The following PDE1C variants were observed in gnomAD, a reference collection of about 807,000 sequenced individuals.
PDE1C encodes phosphodiesterase 1C.
In PDE1C, 62 loss-of-function variants were observed where a neutral mutation model predicts 93.1. The observed-to-expected ratio is 0.67, with a 90% CI of 0.54 to 0.82. PDE1C has a LOEUF of 0.82. Among genes scored for constraint, PDE1C ranks in the 40% least tolerant of loss-of-function variants. The pLI, the probability that PDE1C is intolerant of heterozygous loss-of-function variation, is 0.00. For synonymous variants in PDE1C, 325 were observed against 310.1 expected, an observed-to-expected ratio of 1.05 and a Z score of -0.50; for missense variants, 742 against 884.6, an observed-to-expected ratio of 0.84 and a Z score of 2.04.
chr7:32,155,071 A>G (rs1466853695), intron 3 of PDE1C, among the ~76,000 whole-genome samples: 20 of 140,996 alleles, frequency 1.4e-4, no homozygotes, highest in Admixed American at 1.4e-3. Flanking sequence ...GCATTGGATC[A>G]GGGTGCAGAG....
At chr7:32,267,586 ACTCTCTCTCT>A (rs57210713) in intron 1 of PDE1C, among the ~76,000 whole-genome samples, 41,733 of 117,370 alleles carry the variant, frequency 0.36, 6,738 homozygotes, top group East Asian at 0.44. Flanking sequence ...ACACACACAC[ACTCTCTCTCT>A]CTCTCTCTCT....
intron 16 of PDE1C, chr7:31,788,026 T>C (rs1784187569): frequency 6.6e-6 from 1 of 152,242 alleles, no homozygotes; most frequent in Non-Finnish European, 1.5e-5. Flanking sequence ...AAGTTCTTTA[T>C]GGAATGAAAT....
intron 6 of PDE1C, among the ~76,000 whole-genome samples, chr7:31,871,630 G>A (rs1206562172): frequency 6.6e-6 from 1 of 151,206 alleles, no homozygotes; most frequent in Non-Finnish European, 1.5e-5. Context: ...AATCATCAGG[G>A]AAATGAAAAT....
chr7:31,969,477 A>G (rs1231073520), intron 2 of PDE1C, among the ~76,000 whole-genome samples: 1 of 152,176 alleles, frequency 6.6e-6, no homozygotes, highest in South Asian at 2.1e-4. Flanking sequence ...GTGATCATTA[A>G]AAAGTCAGGA....
At position 32,121,305 on chromosome 7, in the gene PDE1C, C is replaced by G. The variant is rs180893157; in HGVS notation, c.308+48480G>C. ...GAATGGAAACAAGTTGGAAAACACA[C>G]TTTAGGATATTATCCAGGAGTACTT... On this transcript the variant is annotated intron_variant, in intron 3 of 18. Coordinates refer to the PDE1C transcript ENST00000396193. Among the ~76,000 whole-genome samples the G allele has an allele frequency of 1.5e-3, 226 of 152,268 alleles. 1 individual carries two copies. Among genetic ancestry groups the G allele is most frequent in the African/African-American group, 4.7e-3 (197 of 41,566 alleles).
the PDE1C span, chr7:31,651,878 A>G: frequency 8.4e-6 from 10 of 1,190,236 alleles, no homozygotes; most frequent in Non-Finnish European, 1.2e-5. Flanking sequence ...TGAGGTGACA[A>G]TGGAAGATTG....
At chr7:32,293,319 A>C (rs1458691126) in intron 1 of PDE1C, among the ~76,000 whole-genome samples, 1 of 152,074 alleles carries the variant, frequency 6.6e-6, no homozygotes, top group Non-Finnish European at 1.5e-5. Flanking sequence ...CAGCAAATAC[A>C]ACCTCTCAGC....
At chr7:31,839,347 CACAT>C (rs777007980) in intron 9 of PDE1C, among the ~76,000 whole-genome samples, 7 of 142,608 alleles carry the variant, frequency 4.9e-5, no homozygotes, top group Non-Finnish European at 1.0e-4. Context: ...ATATTATACA[CACAT>C]ACATACGCAT....
rs1330978494 is a variant in PDE1C, at chr7:32,094,759, T to C, written c.308+75026A>G. Reference sequence around the variant, plus strand: ...GCTTTCAGTGGTTTCCTATTACTCATAGGATGAAGTCCCAGATACATAGCA... The same window carrying C: ...GCTTTCAGTGGTTTCCTATTACTCACAGGATGAAGTCCCAGATACATAGCA... On this transcript the variant is annotated intron_variant, in intron 3 of 18. Coordinates refer to the PDE1C transcript ENST00000396193. Among the ~76,000 whole-genome samples, 3 of 152,204 alleles carry C rather than the reference T, an allele frequency of 2.0e-5. No individual in the cohort carries two copies. The East Asian group carries it at 5.8e-4, about 29-fold the overall frequency.
intron 3 of PDE1C, among the ~76,000 whole-genome samples, chr7:32,165,866 A>G (rs1802219989): frequency 6.6e-6 from 1 of 152,304 alleles, no homozygotes; most frequent in East Asian, 1.9e-4. Flanking sequence ...GACCAGCAGC[A>G]TCAGTATAAC....
intron 11 of PDE1C, among the ~76,000 whole-genome samples, chr7:31,830,864 T>C (rs2128751480): frequency 6.6e-6 from 1 of 152,306 alleles, no homozygotes; most frequent in Admixed American, 6.5e-5. Context: ...AAATCATTGC[T>C]TATCATAGAA....
chr7:32,046,020 T>C (rs2128672613), intron 2 of PDE1C, among the ~76,000 whole-genome samples: 2 of 152,298 alleles, frequency 1.3e-5, no homozygotes, highest in Non-Finnish European at 2.9e-5. Context: ...CTGAGCCACG[T>C]CAAAATCCAA....
At chr7:32,362,420 G>A (rs1219119269) in intron 1 of PDE1C, among the ~76,000 whole-genome samples, 1 of 152,158 alleles carries the variant, frequency 6.6e-6, no homozygotes. Flanking sequence ...GTCTCTCTCA[G>A]TGGCTTTGGT....
At chr7:31,835,438 G>A (rs1790942497) in intron 11 of PDE1C, among the ~76,000 whole-genome samples, 1 of 151,862 alleles carries the variant, frequency 6.6e-6, no homozygotes, top group African/African-American at 2.4e-5. Context: ...ACTCTGAGAG[G>A]GTGAGCAATG....
intron 3 of PDE1C, among the ~76,000 whole-genome samples, chr7:32,145,059 T>G (rs1486056058): frequency 6.6e-6 from 1 of 152,232 alleles, no homozygotes; most frequent in Non-Finnish European, 1.5e-5. Flanking sequence ...TGTCTCCCAG[T>G]GCCTCTGTCA....
the PDE1C span, among the ~76,000 whole-genome samples, chr7:31,665,077 C>T: frequency 2.6e-5 from 4 of 152,120 alleles, no homozygotes; most frequent in African/African-American, 7.2e-5. Context: ...TTTCCTTCCT[C>T]CTTCCTCTCT....
the PDE1C span, among the ~76,000 whole-genome samples, chr7:31,708,852 C>T: frequency 1.3e-5 from 2 of 152,186 alleles, no homozygotes; most frequent in African/African-American, 4.8e-5. Flanking sequence ...ATGTTGTAAT[C>T]CTAATGATCT....
chr7:32,172,745 C>G (rs943721021), intron 2 of PDE1C, among the ~76,000 whole-genome samples: 7 of 151,298 alleles, frequency 4.6e-5, no homozygotes, highest in Non-Finnish European at 8.8e-5. Context: ...TCGCTTGAAC[C>G]CAGGATGCAG....
intron 1 of PDE1C, among the ~76,000 whole-genome samples, chr7:32,278,416 C>T (rs745856478): frequency 6.6e-5 from 10 of 152,170 alleles, no homozygotes; most frequent in Non-Finnish European, 1.2e-4. Flanking sequence ...ATCAAAGATA[C>T]AGTAGAAGAA....
Sources: allele counts gnomAD v4.1 joint callset (sites outside exome capture counted in the v4.1 genomes callset), GRCh38; gene constraint gnomAD v4.1.1; transcripts MANE v1.5; gene names NCBI Gene and HGNC (gene_info 2026-07-23, HGNC 2026-07-21).